UBR1: variants seen among roughly 807,000 people sequenced by gnomAD.
The protein encoded by UBR1 is ubiquitin protein ligase E3 component n-recognin 1.
A neutral mutation model predicts 242.1 loss-of-function variants in UBR1; 102 were observed. That is an observed-to-expected ratio of 0.42 (90% CI 0.36 to 0.50). UBR1 has a LOEUF of 0.50. UBR1 is among the 20% of genes least tolerant of loss of function. The pLI, the probability that UBR1 is intolerant of heterozygous loss-of-function variation, is 0.01. For missense variants in UBR1, 1,772 were observed against 2,101.8 expected, an observed-to-expected ratio of 0.84 and a Z score of 3.07; for synonymous variants, 675 against 684.8, an observed-to-expected ratio of 0.99 and a Z score of 0.22.
At chr15:42,996,042 A>G (rs914004951) in intron 33 of UBR1, among the ~76,000 whole-genome samples, 3 of 152,158 alleles carry the variant, frequency 2.0e-5, no homozygotes, top group Admixed American at 6.5e-5. Context: ...CCCTAAAAAC[A>G]TTTCTGTTTT....
intron 39 of UBR1, 122 bp downstream of exon 39, chr15:42,976,593 ATC>A: frequency 5.5e-6 from 7 of 1,266,142 alleles, no homozygotes; most frequent in Non-Finnish European, 7.9e-6. Flanking sequence ...AAAACAGATA[ATC>A]ATTCAACAAA....
chr15:43,004,828 G>C (rs928710308), intron 30 of UBR1, among the ~76,000 whole-genome samples: 2 of 152,044 alleles, frequency 1.3e-5, no homozygotes, highest in Non-Finnish European at 2.9e-5. Flanking sequence ...GAGCGGCTCT[G>C]CCTGGCCGCC....
intron 34 of UBR1, among the ~76,000 whole-genome samples, chr15:42,989,775 T>G (rs2032527488): frequency 1.3e-5 from 2 of 152,182 alleles, no homozygotes; most frequent in African/African-American, 2.4e-5. Context: ...GGTCCTCTTG[T>G]AGGGCCACAG....
rs771521806 is a variant in UBR1, at chr15:43,002,632, T to C, written c.3582A>G (p.Glu1194=). ...HVDLFDLESG[E]YLCPLCKSLC... ...GAGATTTGCAAAGAGGGCAAAGATA[T>C]TCTCCACTTTCCAAGTCAAAAAGGT... Residue 1194 remains glutamate (E), a synonymous_variant, in exon 32 of 47, where the codon GAA becomes GAG. Coordinates refer to ENST00000290650, the MANE Select transcript of UBR1 (RefSeq NM_174916.3). 1.6e-5 allele frequency: 26 copies of C among 1,614,068 alleles called. No individual in the cohort carries two copies. Among genetic ancestry groups the C allele is most frequent in the Non-Finnish European group, 2.0e-5 (24 of 1,180,050 alleles).
chr15:42,978,020 A>G (rs948254656), intron 37 of UBR1, 73 bp from the exon 38 acceptor site: 72 of 1,172,032 alleles, frequency 6.1e-5, no homozygotes, highest in South Asian at 4.3e-4. Flanking sequence ...GCAAGCTAAA[A>G]ACACCTAAAC....
chr15:43,085,953 A>G (rs1426686510), intron 2 of UBR1, 31 bp downstream of exon 2: 4 of 1,584,920 alleles, frequency 2.5e-6, no homozygotes, highest in Non-Finnish European at 3.4e-6. Flanking sequence ...TTTAATAATT[A>G]TAATCAATCC....
intron 27 of UBR1, among the ~76,000 whole-genome samples, chr15:43,020,114 A>G (rs560816211): frequency 1.6e-3 from 243 of 151,774 alleles, no homozygotes; most frequent in Admixed American, 2.6e-3. Context: ...ATCTTGGCTC[A>G]CCGCAATCTC....
chr15:43,095,718 G>A (rs1012669131), intron 1 of UBR1, among the ~76,000 whole-genome samples: 4 of 152,182 alleles, frequency 2.6e-5, no homozygotes, highest in Non-Finnish European at 5.9e-5. Context: ...TCTGAGGCAA[G>A]GGGTTAAAAG....
At chr15:43,007,755 C>A (rs79384045) in intron 29 of UBR1, among the ~76,000 whole-genome samples, 2 of 152,298 alleles carry the variant, frequency 1.3e-5, no homozygotes, top group African/African-American at 4.8e-5. Flanking sequence ...TTACACAGAT[C>A]TGCATCCTGC....
chr15:43,047,065 A>C, intron 14 of UBR1, 96 bp downstream of exon 14: 1 of 1,431,756 alleles, frequency 7.0e-7, no homozygotes, highest in African/African-American at 1.4e-5. Flanking sequence ...TAAATAATAA[A>C]AACTTTACAT....
At chr15:43,094,639 A>C (rs76663389) in intron 1 of UBR1, among the ~76,000 whole-genome samples, 1,974 of 152,262 alleles carry the variant, frequency 0.013, 43 homozygotes, top group African/African-American at 0.043. Flanking sequence ...AAACCCTTAG[A>C]TCAATCACAT....
At chr15:43,070,532 A>C (rs2141346678) in intron 5 of UBR1, among the ~76,000 whole-genome samples, 1 of 152,304 alleles carries the variant, frequency 6.6e-6, no homozygotes, top group Middle Eastern at 3.4e-3. Context: ...TAAATCATTT[A>C]GAACAGGACC....
At chr15:43,028,149 T>C (rs542691369) in intron 21 of UBR1, among the ~76,000 whole-genome samples, 1 of 152,308 alleles carries the variant, frequency 6.6e-6, no homozygotes, top group East Asian at 1.9e-4. Flanking sequence ...AGCTCTTCTT[T>C]ATGTAGTATG....
chr15:42,960,624 G>A (rs1220309767), intron 43 of UBR1, 21 bp downstream of exon 43: 1 of 1,612,824 alleles, frequency 6.2e-7, no homozygotes, highest in Non-Finnish European at 8.5e-7. Context: ...GAGGGAGAAA[G>A]GATTAAGTAG....
chr15:42,995,009 G>A (rs1386879881), intron 33 of UBR1, among the ~76,000 whole-genome samples: 2 of 152,028 alleles, frequency 1.3e-5, no homozygotes, highest in Non-Finnish European at 2.9e-5. Context: ...CTTATGTTCA[G>A]TATTTTCTTC....
intron 15 of UBR1, among the ~76,000 whole-genome samples, chr15:43,042,835 G>A (rs2033436966): frequency 1.3e-5 from 2 of 152,158 alleles, no homozygotes; most frequent in South Asian, 4.1e-4. Context: ...GAGAATCTAT[G>A]ATTTCTTCCT....
intron 3 of UBR1, among the ~76,000 whole-genome samples, chr15:43,075,509 T>C (rs956884718): frequency 6.6e-6 from 1 of 152,276 alleles, no homozygotes; most frequent in East Asian, 1.9e-4. Flanking sequence ...TACATACGTA[T>C]ACATGTGCCA....
intron 10 of UBR1, among the ~76,000 whole-genome samples, chr15:43,057,011 A>G (rs1375014803): frequency 1.3e-5 from 2 of 152,186 alleles, no homozygotes; most frequent in African/African-American, 4.8e-5. Flanking sequence ...GGCATCTATT[A>G]TGTGTAAGGC....
chr15:43,073,657 G>A (rs1415039157), intron 4 of UBR1, among the ~76,000 whole-genome samples: 1 of 152,112 alleles, frequency 6.6e-6, no homozygotes, highest in Non-Finnish European at 1.5e-5. Flanking sequence ...GGTTTCATTA[G>A]GAACTCACGG....
Sources: gnomAD v4.1 joint callset for allele counts (sites outside exome capture counted in the v4.1 genomes callset) on GRCh38, gnomAD v4.1.1 for gene constraint, MANE v1.5 for transcripts, NCBI Gene and HGNC (gene_info 2026-07-23, HGNC 2026-07-21) for gene names.